The following RBFOX1 variants were observed in gnomAD, a reference collection of about 807,000 sequenced individuals.
RBFOX1 encodes the protein RNA binding protein fox-1 homolog 1.
RBFOX1 carries 8 observed loss-of-function variants against 57.7 expected under a neutral mutation model. The ratio of observed to expected loss-of-function variants is 0.14; its 90% CI spans 0.08 to 0.25. The LOEUF (loss-of-function observed/expected upper bound fraction) is 0.25. Among genes scored for constraint, RBFOX1 ranks in the 10% least tolerant of loss-of-function variants. RBFOX1 has a pLI of 1.00. For missense variants in RBFOX1, 611 were observed against 548.5 expected (o/e 1.11, Z -1.14); for synonymous variants, 326 against 222.4 (o/e 1.47, Z -4.15).
intron 1 of RBFOX1, among the ~76,000 whole-genome samples, chr16:6,199,770 C>T (rs1002893584): frequency 6.6e-6 from 1 of 152,124 alleles, no homozygotes; most frequent in African/African-American, 2.4e-5. Flanking sequence ...CAGGGGCTCA[C>T]AGTATATATT....
At chr16:7,116,683 C>T (rs1293868733) in intron 4 of RBFOX1, among the ~76,000 whole-genome samples, 1 of 152,140 alleles carries the variant, frequency 6.6e-6, no homozygotes, top group Non-Finnish European at 1.5e-5. Flanking sequence ...GTGAAGCTAC[C>T]ATTAGATTAT....
chr16:6,449,182 A>G (rs533997020), intron 2 of RBFOX1, among the ~76,000 whole-genome samples: 113 of 152,334 alleles, frequency 7.4e-4, no homozygotes, highest in African/African-American at 2.4e-3. Context: ...GGAACAGGTC[A>G]AGTGCTGCAC....
At chr16:7,516,834 CTTTT>C (rs138906317) in intron 4 of RBFOX1, among the ~76,000 whole-genome samples, 1 of 148,476 alleles carries the variant, frequency 6.7e-6, no homozygotes, top group Non-Finnish European at 1.5e-5. Flanking sequence ...TGAGAACAAA[CTTTT>C]TTTTTTTCCT....
chr16:6,869,774 C>T (rs1209920934), intron 3 of RBFOX1, among the ~76,000 whole-genome samples: 1 of 152,104 alleles, frequency 6.6e-6, no homozygotes, highest in African/African-American at 2.4e-5. Context: ...ACAGCATCAG[C>T]TTGATGTGGA....
intron 2 of RBFOX1, among the ~76,000 whole-genome samples, chr16:6,648,702 A>G (rs955348712): frequency 1.5e-4 from 23 of 152,098 alleles, no homozygotes; most frequent in African/African-American, 5.1e-4. Flanking sequence ...ACTTCAGGAG[A>G]GAAAGGAAAT....
At chr16:5,246,382 A>G (rs1006965364) in intron 1 of RBFOX1, among the ~76,000 whole-genome samples, 2 of 152,222 alleles carry the variant, frequency 1.3e-5, no homozygotes, top group Non-Finnish European at 2.9e-5. Flanking sequence ...ACATGATGTG[A>G]TTGAAGTATG....
rs181927785 is a variant in RBFOX1 at position 6,366,550 on chromosome 16, C to T, written c.-64+49493C>T. 2.4e-4 allele frequency among the ~76,000 whole-genome samples: 37 copies of T among 152,272 alleles called. No individual in the cohort carries two copies. The Middle Eastern group carries it at 0.014, about 56-fold the overall frequency. On this transcript the variant is annotated intron_variant, in intron 2 of 15. Coordinates refer to ENST00000550418, the MANE Select transcript of RBFOX1 (RefSeq NM_018723.4). ...CACCACCTGAATTTTCTCTATATCA[C>T]CCTTCAAGGGGGTGAGGATGGCTAA... is the stretch of plus-strand genomic sequence containing the variant.
chr16:6,876,968 G>C (rs1431940124), intron 3 of RBFOX1, among the ~76,000 whole-genome samples: 2 of 152,090 alleles, frequency 1.3e-5, no homozygotes, highest in African/African-American at 2.4e-5. Flanking sequence ...ATAATTTGTA[G>C]AATAATGAAT....
intron 4 of RBFOX1, among the ~76,000 whole-genome samples, chr16:7,211,734 G>A (rs533897882): frequency 6.6e-6 from 1 of 152,264 alleles, no homozygotes; most frequent in South Asian, 2.1e-4. Flanking sequence ...CGTGCCAGGT[G>A]GGCATTCGCC....
At chr16:7,422,669 A>G (rs1194000128) in intron 4 of RBFOX1, 3 of 152,152 alleles carry the variant, frequency 2.0e-5, no homozygotes, top group Non-Finnish European at 2.9e-5. Flanking sequence ...ACCTTAAGGC[A>G]TGGGGAGGAT....
chr16:6,235,696 T>C lies in RBFOX1; in HGVS notation c.-126-81299T>C, dbSNP rs1253621367. 2.6e-5 allele frequency among the ~76,000 whole-genome samples: 4 copies of C among 151,900 alleles called. 1 individual carries two copies. Among genetic ancestry groups the C allele is most frequent in the Admixed American group, 2.6e-4 (4 of 15,224 alleles). On this transcript the variant is annotated intron_variant, in intron 1 of 15. Coordinates refer to ENST00000550418, the MANE Select transcript of RBFOX1 (RefSeq NM_018723.4). ...TTAGCCATAAAAAGGAATGAATTAA[T>C]GGCATTCACAGTGATCTGAATGAGA...
At chr16:6,720,629 G>A (rs1399425421) in intron 3 of RBFOX1, among the ~76,000 whole-genome samples, 2 of 152,052 alleles carry the variant, frequency 1.3e-5, no homozygotes, top group African/African-American at 4.8e-5. Context: ...TAGTTGGGGA[G>A]AAAGAGACGT....
chr16:5,301,304 T>C (rs1021742075), intron 1 of RBFOX1, among the ~76,000 whole-genome samples: 2 of 152,138 alleles, frequency 1.3e-5, no homozygotes, highest in Non-Finnish European at 2.9e-5. Flanking sequence ...TGCACGTGTT[T>C]ACAGACTTCC....
chr16:5,773,080 TGA>T (rs2054033217), intron 3 of RBFOX1, among the ~76,000 whole-genome samples: 1 of 152,104 alleles, frequency 6.6e-6, no homozygotes, highest in Non-Finnish European at 1.5e-5. Context: ...TTGCTTACAA[TGA>T]GAGATGTGAA....
intron 3 of RBFOX1, among the ~76,000 whole-genome samples, chr16:5,700,693 G>T: frequency 6.6e-6 from 1 of 152,178 alleles, no homozygotes; most frequent in East Asian, 1.9e-4. Context: ...GCCCGCTTCT[G>T]AGACTCCAAT....
chr16:5,885,309 C>A (rs986394639), intron 4 of RBFOX1, among the ~76,000 whole-genome samples: 1 of 150,154 alleles, frequency 6.7e-6, no homozygotes. Context: ...ACGTTAGACT[C>A]CTGGAGGCTT....
chr16:6,009,738 G>C (rs1453925592), intron 4 of RBFOX1, among the ~76,000 whole-genome samples: 1 of 151,696 alleles, frequency 6.6e-6, no homozygotes, highest in Non-Finnish European at 1.5e-5. Context: ...TCTGTTGTTG[G>C]ACAAAATGCA....
chr16:7,415,098 G>A (rs574286757), intron 4 of RBFOX1, among the ~76,000 whole-genome samples: 1 of 152,318 alleles, frequency 6.6e-6, no homozygotes, highest in Non-Finnish European at 1.5e-5. Context: ...GTCATTAGCA[G>A]TACCAACTGT....
At chr16:7,192,150 G>A (rs2085551146) in intron 4 of RBFOX1, among the ~76,000 whole-genome samples, 1 of 152,224 alleles carries the variant, frequency 6.6e-6, no homozygotes, top group Non-Finnish European at 1.5e-5. Flanking sequence ...GGGGTAGGTA[G>A]TAGAAGGAAT....
Sources: gnomAD v4.1 joint callset for allele counts (sites outside exome capture counted in the v4.1 genomes callset) on GRCh38, gnomAD v4.1.1 for gene constraint, MANE v1.5 for transcripts, NCBI Gene and HGNC (gene_info 2026-07-23, HGNC 2026-07-21) for gene names.